SEC63: variants seen among roughly 807,000 people sequenced by gnomAD.
SEC63 encodes the protein SEC63 protein translocation regulator, also known as translocation protein SEC63 homolog.
SEC63 carries 56 observed loss-of-function variants against 116.2 expected under a neutral mutation model. The observed-to-expected ratio is 0.48, with a 90% CI of 0.39 to 0.60. The LOEUF (loss-of-function observed/expected upper bound fraction) is 0.60. Among genes scored for constraint, SEC63 ranks in the 20% least tolerant of loss-of-function variants. The probability of loss-of-function intolerance (pLI) is 0.00; values close to 1 mark genes in which losing one functional copy is unlikely to be tolerated. For missense variants in SEC63, 668 were observed against 900.0 expected (o/e 0.74, Z 3.30); for synonymous variants, 273 against 294.6 (o/e 0.93, Z 0.75).
intron 12 of SEC63, 24 bp downstream of exon 12, chr6:107,902,820 G>T: frequency 6.2e-7 from 1 of 1,609,736 alleles, no homozygotes; most frequent in South Asian, 1.1e-5. Context: ...GCTGAAAACT[G>T]ACTTTAAAGT....
intron 16 of SEC63, 115 bp from the exon 17 acceptor site, chr6:107,883,261 A>G: frequency 7.9e-7 from 1 of 1,272,960 alleles, no homozygotes; most frequent in South Asian, 1.3e-5. Context: ...TGACAATTTC[A>G]CTATTCATAT....
chr6:107,875,630 G>A (rs1786245544), intron 19 of SEC63, among the ~76,000 whole-genome samples: 3 of 152,102 alleles, frequency 2.0e-5, no homozygotes, highest in Admixed American at 2.0e-4. Context: ...AGCCCGGGAG[G>A]CGGAGGTTGC....
At chr6:107,895,792 G>A (rs1786799205) in intron 14 of SEC63, among the ~76,000 whole-genome samples, 1 of 149,480 alleles carries the variant, frequency 6.7e-6, no homozygotes, top group Non-Finnish European at 1.5e-5. Context: ...TGAGGCCAAG[G>A]CAGGAAGATC....
At chr6:107,949,054 G>A (rs1267605006) in intron 1 of SEC63, among the ~76,000 whole-genome samples, 1 of 152,170 alleles carries the variant, frequency 6.6e-6, no homozygotes, top group African/African-American at 2.4e-5. Flanking sequence ...TGATTTTTCA[G>A]CCAATCTTCA....
chr6:107,928,006 G>C (rs760140182), intron 2 of SEC63, among the ~76,000 whole-genome samples: 27 of 152,212 alleles, frequency 1.8e-4, no homozygotes, highest in Middle Eastern at 3.4e-3. Flanking sequence ...AGATATGGGG[G>C]GGAGGGGCGG....
chr6:107,954,593 C>T (rs1562345049), intron 1 of SEC63: 1 of 151,520 alleles, frequency 6.6e-6, no homozygotes. Flanking sequence ...ATTAATATTC[C>T]AAGACAGAAC....
At chr6:107,911,961 A>G (rs1306808091) in intron 6 of SEC63, among the ~76,000 whole-genome samples, 2 of 152,228 alleles carry the variant, frequency 1.3e-5, no homozygotes, top group African/African-American at 4.8e-5. Context: ...TAAATCTGGT[A>G]GTAACTTATT....
chr6:107,934,254 G>A (rs1473495531), intron 1 of SEC63, among the ~76,000 whole-genome samples: 9 of 151,388 alleles, frequency 5.9e-5, no homozygotes, highest in South Asian at 2.1e-4. Context: ...CTTCCCAGCC[G>A]CCATCCCGTC....
At chr6:107,906,076 G>A (rs969690084) in intron 10 of SEC63, among the ~76,000 whole-genome samples, 2 of 152,146 alleles carry the variant, frequency 1.3e-5, no homozygotes, top group African/African-American at 4.8e-5. Context: ...ATTGGATCAG[G>A]GGGGTGGAGT....
chr6:107,872,518 C>T (rs903702569), intron 20 of SEC63, among the ~76,000 whole-genome samples: 6 of 151,364 alleles, frequency 4.0e-5, no homozygotes, highest in East Asian at 1.9e-4. Context: ...AAAAAAAGTG[C>T]CTTTCTAAAG....
intron 10 of SEC63, among the ~76,000 whole-genome samples, chr6:107,905,650 T>C (rs566809607): frequency 2.0e-4 from 30 of 152,338 alleles, no homozygotes; most frequent in African/African-American, 7.0e-4. Context: ...ACAGACATTA[T>C]TGGTAACCAC....
chr6:107,924,888 G>T lies in SEC63; in HGVS notation c.269C>A (p.Ala90Glu), dbSNP rs1328847427. 2 of 1,605,346 alleles carry T rather than the reference G, an allele frequency of 1.2e-6. No homozygotes were observed. The highest frequency in any genetic ancestry group is 1.7e-5 in the Admixed American group (1 of 59,994). Residue 90 changes from alanine (A) to glutamate (E), a missense_variant, in exon 3 of 21, where the codon GCA becomes GAA. Around this residue, in one of 5 missense-constraint regions of SEC63, gnomAD observed 142 missense variants for 169.5 expected, o/e 0.84. Coordinates refer to ENST00000369002, the MANE Select transcript of SEC63 (RefSeq NM_007214.5). ...LAGWALFLFL[A>E]YKVSKTDREY... ...TCGGTCTGTTTTGGAAACTTTATATGCAAGGAATAAGAACAATGCCCATCC... is the reference window on the plus strand; with the variant it reads ...TCGGTCTGTTTTGGAAACTTTATATTCAAGGAATAAGAACAATGCCCATCC...
intron 1 of SEC63, among the ~76,000 whole-genome samples, chr6:107,934,082 T>TCCC (rs1787873533): frequency 6.6e-6 from 1 of 152,064 alleles, no homozygotes; most frequent in African/African-American, 2.4e-5. Flanking sequence ...AACCTCCACC[T>TCCC]CCCAGCCGCC....
intron 17 of SEC63, among the ~76,000 whole-genome samples, chr6:107,882,039 T>C (rs957136058): frequency 5.3e-5 from 8 of 152,182 alleles, no homozygotes; most frequent in Admixed American, 6.5e-5. Context: ...TATAATGTAT[T>C]TGACAGATTT....
chr6:107,888,835 CTAT>C (rs1320777054), intron 16 of SEC63, among the ~76,000 whole-genome samples: 1 of 152,162 alleles, frequency 6.6e-6, no homozygotes, highest in African/African-American at 2.4e-5. Flanking sequence ...TTTTCTGCAT[CTAT>C]TGAGATAATC....
chr6:107,923,042 G>A (rs1273364539), intron 3 of SEC63, among the ~76,000 whole-genome samples: 6 of 151,828 alleles, frequency 4.0e-5, no homozygotes, highest in African/African-American at 1.5e-4. Flanking sequence ...TATATATTCA[G>A]GGCAACTTGA....
intron 3 of SEC63, among the ~76,000 whole-genome samples, chr6:107,922,562 T>C (rs1463700922): frequency 6.6e-6 from 1 of 152,124 alleles, no homozygotes; most frequent in African/African-American, 2.4e-5. Flanking sequence ...ATAAATTAAA[T>C]CTGGCTCAAA....
rs2114458613 is a variant in SEC63 at position 107,911,348 on chromosome 6, C to G, written c.622G>C (p.Val208Leu). The change falls in exon 7 of 21, where the codon GTG (valine) becomes CTG (leucine). Residue 208 changes from valine to leucine, a missense_variant and splice_region_variant. Coordinates refer to ENST00000369002, the MANE Select transcript of SEC63 (RefSeq NM_007214.5). ...TAACTTAAAAAGCTAAAACTTACCA[C>G]AACAACTGGAAGGATAACCATAAAT... ...LAFMVILPVVVGSWWYRSIRY... is the reference protein window; with the variant it reads ...LAFMVILPVVLGSWWYRSIRY... The G allele has an allele frequency of 1.2e-6, 2 of 1,604,822 alleles. No homozygotes were observed. Among genetic ancestry groups the G allele is most frequent in the Non-Finnish European group, 1.7e-6 (2 of 1,172,104 alleles).
At chr6:107,935,572 T>C (rs558626090) in intron 1 of SEC63, among the ~76,000 whole-genome samples, 11,422 of 134,524 alleles carry the variant, frequency 0.085, 1,604 homozygotes, top group African/African-American at 0.3. Flanking sequence ...TGTGCTTTGT[T>C]AAACAGATGC....
Sources: allele counts gnomAD v4.1 joint callset (sites outside exome capture counted in the v4.1 genomes callset), GRCh38; gene constraint gnomAD v4.1.1; regional missense constraint gnomAD v4.1.1; transcripts MANE v1.5; gene names NCBI Gene and HGNC (gene_info 2026-07-23, HGNC 2026-07-21).